The following TMEM123 variants were observed in gnomAD, a reference collection of about 807,000 sequenced individuals.
The protein encoded by TMEM123 is porimin.
Under a neutral mutation model 19.7 loss-of-function variants are expected in TMEM123, and 16 were observed. The ratio of observed to expected loss-of-function variants is 0.81; its 90% confidence interval spans 0.55 to 1.23. The LOEUF (loss-of-function observed/expected upper bound fraction) is 1.23. Among genes scored for constraint, TMEM123 ranks in the 50% most tolerant of loss-of-function variants. The pLI, the probability that TMEM123 is intolerant of heterozygous loss-of-function variation, is 0.00. For synonymous variants in TMEM123, 118 were observed against 99.4 expected, an observed-to-expected ratio of 1.19 and a Z score of -1.12; for missense variants, 313 against 257.8, an observed-to-expected ratio of 1.21 and a Z score of -1.47.
At chr11:102,403,015 CTTT>C (rs1447853656) in intron 2 of TMEM123, among the ~76,000 whole-genome samples, 1 of 151,986 alleles carries the variant, frequency 6.6e-6, no homozygotes, top group Non-Finnish European at 1.5e-5. Flanking sequence ...TCCTTAACTT[CTTT>C]TTTGTTTTTT....
chr11:102,401,437 C>T, intron 4 of TMEM123, 102 bp downstream of exon 4: 1 of 1,099,266 alleles, frequency 9.1e-7, no homozygotes. Context: ...ATAAATCTAT[C>T]AATTATTCAT....
chr11:102,424,033 A>G (rs1385102272), intron 2 of TMEM123, among the ~76,000 whole-genome samples: 1 of 152,234 alleles, frequency 6.6e-6, no homozygotes, highest in African/African-American at 2.4e-5. Flanking sequence ...CACACTGCTA[A>G]CAAGTTCTAT....
At chr11:102,434,457 T>C (rs1565354098) in intron 2 of TMEM123, among the ~76,000 whole-genome samples, 1 of 151,946 alleles carries the variant, frequency 6.6e-6, no homozygotes, top group Non-Finnish European at 1.5e-5. Flanking sequence ...ATTTTCTTTC[T>C]ATAGAGTTGA....
intron 2 of TMEM123, among the ~76,000 whole-genome samples, chr11:102,446,824 C>A (rs1486007735): frequency 1.3e-5 from 2 of 152,122 alleles, no homozygotes; most frequent in Non-Finnish European, 1.5e-5. Context: ...ACAGTACATT[C>A]CTGGAATACA....
At chr11:102,410,925 T>C (rs141176139) in intron 2 of TMEM123, among the ~76,000 whole-genome samples, 7 of 152,334 alleles carry the variant, frequency 4.6e-5, no homozygotes, top group Non-Finnish European at 1.0e-4. Flanking sequence ...TTCTGAACTT[T>C]TATTATTATT....
intron 2 of TMEM123, among the ~76,000 whole-genome samples, chr11:102,414,573 C>G (rs781253995): frequency 9.2e-5 from 14 of 152,142 alleles, no homozygotes. Flanking sequence ...AAATTTCAAC[C>G]AAGAATGTCG....
chr11:102,425,035 A>G (rs1952114855), intron 2 of TMEM123, among the ~76,000 whole-genome samples: 1 of 152,212 alleles, frequency 6.6e-6, no homozygotes, highest in African/African-American at 2.4e-5. Flanking sequence ...GAATATCCTA[A>G]TTTGTATCCA....
intron 2 of TMEM123, among the ~76,000 whole-genome samples, chr11:102,412,960 A>T (rs985253198): frequency 2.0e-4 from 30 of 152,230 alleles, no homozygotes; most frequent in Admixed American, 2.0e-4. Context: ...GAAAATAAGT[A>T]ACATATTTCT....
rs985107718 is a variant in TMEM123 at position 102,398,699 on chromosome 11, T to G, written c.*168A>C. 7 of 684,274 alleles carry G rather than the reference T, an allele frequency of 1.0e-5. No homozygotes were observed. Among genetic ancestry groups the G allele is most frequent in the Non-Finnish European group, 1.7e-5 (7 of 421,254 alleles). 42.4% of individuals were successfully genotyped at this position (684,274 alleles called of 1,614,324 possible). A position where few individuals can be genotyped will look rare whatever the true frequency, so the allele number is the denominator to read the frequency against. On this transcript the variant is annotated 3_prime_UTR_variant, in exon 5 of 5. Transcript: ENST00000398136. The stretch of plus-strand genomic sequence containing the variant: ...GATGTTTATTTCAAAACCCAAACCC[T>G]TGTTACCTTGAAGAATCTTTACATA...
intron 2 of TMEM123, among the ~76,000 whole-genome samples, chr11:102,415,797 C>T (rs1952039914): frequency 6.6e-6 from 1 of 152,046 alleles, no homozygotes; most frequent in African/African-American, 2.4e-5. Flanking sequence ...AACCCCAGTC[C>T]TAGCAGAAGA....
At chr11:102,422,800 C>T (rs1479518131) in intron 2 of TMEM123, among the ~76,000 whole-genome samples, 1 of 152,180 alleles carries the variant, frequency 6.6e-6, no homozygotes, top group East Asian at 1.9e-4. Flanking sequence ...CTATTTCATT[C>T]ATTTCTCACA....
chr11:102,449,914 G>C (rs1466975349), intron 1 of TMEM123, among the ~76,000 whole-genome samples: 1 of 152,214 alleles, frequency 6.6e-6, no homozygotes, highest in Non-Finnish European at 1.5e-5. Flanking sequence ...AATTGGACCA[G>C]ATAGTTTGAT....
intron 2 of TMEM123, among the ~76,000 whole-genome samples, chr11:102,403,830 G>A (rs1381041892): frequency 1.3e-5 from 2 of 152,160 alleles, no homozygotes. Context: ...GAGTTCCCAT[G>A]AAAGGGGGTT....
chr11:102,428,909 T>C (rs908056337), intron 2 of TMEM123, among the ~76,000 whole-genome samples: 7 of 152,160 alleles, frequency 4.6e-5, no homozygotes, highest in African/African-American at 1.4e-4. Context: ...ATGTGGCCAG[T>C]AGAATGAACA....
intron 2 of TMEM123, among the ~76,000 whole-genome samples, chr11:102,430,959 A>G (rs1411054266): frequency 1.3e-5 from 2 of 152,210 alleles, no homozygotes; most frequent in Non-Finnish European, 2.9e-5. Flanking sequence ...ACCAAATTCA[A>G]TGTGGGGTGA....
At chr11:102,426,855 T>A (rs1343301118) in intron 2 of TMEM123, among the ~76,000 whole-genome samples, 5 of 38,660 alleles carry the variant, frequency 1.3e-4, no homozygotes, top group Non-Finnish European at 2.2e-4. Flanking sequence ...GTTTTTAAAG[T>A]AGTTCCCCCC....
chr11:102,447,651 T>C (rs1025301315), intron 2 of TMEM123, among the ~76,000 whole-genome samples: 1 of 152,204 alleles, frequency 6.6e-6, no homozygotes, highest in Admixed American at 6.5e-5. Flanking sequence ...TAATAAAATA[T>C]TTTTTAACTA....
chr11:102,431,846 G>GT (rs1857713401), intron 2 of TMEM123, among the ~76,000 whole-genome samples: 1 of 152,114 alleles, frequency 6.6e-6, no homozygotes, highest in Admixed American at 6.5e-5. Flanking sequence ...CCCCCATGCT[G>GT]TTCCCATGAT....
chr11:102,440,698 A>G (rs1234687316), intron 2 of TMEM123, among the ~76,000 whole-genome samples: 3 of 152,232 alleles, frequency 2.0e-5, no homozygotes, highest in Admixed American at 6.5e-5. Context: ...ACACATAACA[A>G]TATTAACCTT....
Sources: allele counts gnomAD v4.1 joint callset (sites outside exome capture counted in the v4.1 genomes callset), GRCh38; gene constraint gnomAD v4.1.1; transcripts MANE v1.5; gene names NCBI Gene and HGNC (gene_info 2026-07-23, HGNC 2026-07-21).